Variants in CNOT10 observed in about 807,000 individuals in gnomAD.
CNOT10 encodes the protein CCR4-NOT transcription complex, subunit 10.
CNOT10 carries 30 observed loss-of-function variants against 94.6 expected under a neutral mutation model. The observed-to-expected ratio is 0.32, with a 90% CI of 0.24 to 0.43. The LOEUF (loss-of-function observed/expected upper bound fraction) is 0.43, where lower values mean the gene tolerates loss of function less well. Ranked by LOEUF, CNOT10 falls within the 20% of genes least tolerant of loss-of-function variation. The pLI is 1.00. For missense variants in CNOT10, 759 were observed against 877.2 expected (o/e 0.87, Z 1.70); for synonymous variants, 289 against 301.6 (o/e 0.96, Z 0.43).
chr3:32,724,992 C>T, intron 8 of CNOT10, among the ~76,000 whole-genome samples: 1 of 152,122 alleles, frequency 6.6e-6, no homozygotes, highest in East Asian at 1.9e-4. Flanking sequence ...CATTATATTA[C>T]TGATAAACAC....
intron 1 of CNOT10, among the ~76,000 whole-genome samples, chr3:32,698,768 T>C (rs185174421): frequency 6.6e-6 from 1 of 152,254 alleles, no homozygotes; most frequent in East Asian, 1.9e-4. Context: ...CAAAGTTAGT[T>C]CTGTTGACAA....
chr3:32,769,654 C>A (rs1195448172), intron 17 of CNOT10: 2 of 466,110 alleles, frequency 4.3e-6, no homozygotes, highest in South Asian at 5.2e-5. Flanking sequence ...ACTGTAGTAT[C>A]GGGGTGTCCA....
intron 4 of CNOT10, among the ~76,000 whole-genome samples, chr3:32,709,977 T>A (rs1290168340): frequency 6.6e-6 from 1 of 151,846 alleles, no homozygotes; most frequent in African/African-American, 2.4e-5. Flanking sequence ...GGAAACCCCG[T>A]CTCTACTAAA....
chr3:32,733,353 T>G, intron 10 of CNOT10, 70 bp from the exon 11 acceptor site: 1 of 1,182,286 alleles, frequency 8.5e-7, no homozygotes, highest in Non-Finnish European at 1.2e-6. Flanking sequence ...TTGTGAGAGA[T>G]ATTCCCTCAT....
At chr3:32,752,412 G>C (rs987601127) in intron 13 of CNOT10, among the ~76,000 whole-genome samples, 4 of 152,130 alleles carry the variant, frequency 2.6e-5, no homozygotes, top group African/African-American at 9.7e-5. Context: ...AAAGCAATTG[G>C]TTTAGGTGAT....
chr3:32,766,616 G>A (rs1366463912), intron 17 of CNOT10, among the ~76,000 whole-genome samples: 3 of 133,298 alleles, frequency 2.3e-5, no homozygotes, highest in Admixed American at 1.6e-4. Flanking sequence ...CCGGGCAACA[G>A]AGCGGGACTC....
intron 13 of CNOT10, among the ~76,000 whole-genome samples, chr3:32,745,179 TTC>T (rs1380072656): frequency 2.7e-4 from 41 of 152,138 alleles, no homozygotes; most frequent in African/African-American, 9.9e-4. Flanking sequence ...GCATCCAGCC[TTC>T]TCTCATATAC....
chr3:32,702,338 T>C lies in CNOT10; in HGVS notation c.23-1530T>C, dbSNP rs2125511419. 1.3e-5 allele frequency among the ~76,000 whole-genome samples: 2 copies of C among 151,912 alleles called. 1 individual carries two copies. The highest frequency in any genetic ancestry group is 4.2e-4 in the South Asian group (2 of 4,784). ...CTTAACACACTTTTGCTCTGAGTAG[T>C]TTAGGTTTGGTTCAGCTGAGATTTT... On this transcript the variant is annotated intron_variant, in intron 1 of 18. Coordinates refer to ENST00000328834, the MANE Select transcript of CNOT10 (RefSeq NM_015442.3).
intron 8 of CNOT10, among the ~76,000 whole-genome samples, chr3:32,721,723 T>C (rs1414326953): frequency 6.6e-6 from 1 of 150,662 alleles, no homozygotes; most frequent in Non-Finnish European, 1.5e-5. Context: ...CTCGGCTCAC[T>C]GCAAGCTCTG....
At chr3:32,735,573 G>T (rs992208506) in intron 12 of CNOT10, among the ~76,000 whole-genome samples, 29 of 151,818 alleles carry the variant, frequency 1.9e-4, no homozygotes, top group African/African-American at 5.1e-4. Flanking sequence ...TGGGCGTGGT[G>T]GTGGGCACCT....
At chr3:32,687,439 G>GTTTTTTTTTTTAT (rs1553626981) in intron 1 of CNOT10, among the ~76,000 whole-genome samples, 1 of 51,320 alleles carries the variant, frequency 1.9e-5, no homozygotes, top group Non-Finnish European at 3.4e-5. Flanking sequence ...AGTCCTCACG[G>GTTTTTTTTTTTAT]TTTTTTTTTT....
chr3:32,766,900 A>G (rs1312354250), intron 17 of CNOT10, among the ~76,000 whole-genome samples: 1 of 152,170 alleles, frequency 6.6e-6, no homozygotes, highest in Non-Finnish European at 1.5e-5. Flanking sequence ...CCCCAGAGGA[A>G]TCTCACAAAA....
At position 32,721,406 on chromosome 3, in the gene CNOT10, G is replaced by C. The variant is rs189102905; in HGVS notation, c.862+1175G>C. Among the ~76,000 whole-genome samples the C allele has an allele frequency of 2.1e-3, 262 of 126,776 alleles. 1 individual carries two copies. The highest frequency in any genetic ancestry group is 3.2e-3 in the Admixed American group (40 of 12,646). The allele number at this position is 126,776 out of a possible 152,430, so 83.2% of individuals were successfully genotyped here. ...GATCCTTGGACTTTTGCTTTGTGAA[G>C]TGAGACCTAATTTTTCTTTCATCTT... On this transcript the variant is annotated intron_variant, in intron 8 of 18. Transcript: ENST00000328834.
At chr3:32,753,780 A>C in intron 13 of CNOT10, 1 of 1,600,824 alleles carries the variant, frequency 6.2e-7, no homozygotes, top group Admixed American at 1.7e-5. Flanking sequence ...ATGAAGTGAA[A>C]TGTGCCATGA....
chr3:32,686,367 ACT>A (rs1696601557), intron 1 of CNOT10, among the ~76,000 whole-genome samples: 1 of 152,218 alleles, frequency 6.6e-6, no homozygotes, highest in African/African-American at 2.4e-5. Context: ...TTAAAGAAAA[ACT>A]CAGTGTGCTG....
chr3:32,753,432 T>C, intron 13 of CNOT10: 1 of 1,521,974 alleles, frequency 6.6e-7, no homozygotes, highest in Admixed American at 1.7e-5. Flanking sequence ...AATTGTCTGC[T>C]TTGGTTAAAC....
chr3:32,732,734 C>T (rs991005582), intron 10 of CNOT10, among the ~76,000 whole-genome samples: 1 of 152,102 alleles, frequency 6.6e-6, no homozygotes, highest in Non-Finnish European at 1.5e-5. Context: ...AACCACTGCA[C>T]CCAACCAAAT....
At chr3:32,708,939 G>A (rs1159609798) in intron 4 of CNOT10, 119 bp downstream of exon 4, 27 of 742,210 alleles carry the variant, frequency 3.6e-5, no homozygotes, top group African/African-American at 1.1e-4. Flanking sequence ...AAGAAAAGCC[G>A]TATCAGCTTT....
chr3:32,705,195 CTAATA>C (rs1210791451), intron 3 of CNOT10, among the ~76,000 whole-genome samples: 1 of 151,744 alleles, frequency 6.6e-6, no homozygotes, highest in Non-Finnish European at 1.5e-5. Context: ...ACAGAATAGA[CTAATA>C]TACCAAATTT....
Sources: gnomAD v4.1 joint callset for allele counts (sites outside exome capture counted in the v4.1 genomes callset) on GRCh38, gnomAD v4.1.1 for gene constraint, MANE v1.5 for transcripts, NCBI Gene and HGNC (gene_info 2026-07-23, HGNC 2026-07-21) for gene names.